MINDY2: variants seen among roughly 807,000 people sequenced by gnomAD.
The protein encoded by MINDY2 is MINDY lysine 48 deubiquitinase 2, also known as ubiquitin carboxyl-terminal hydrolase MINDY-2.
In MINDY2, 52 loss-of-function variants were observed where a neutral mutation model predicts 68.2. The ratio of observed to expected loss-of-function variants is 0.76; its 90% CI spans 0.61 to 0.96. The LOEUF (loss-of-function observed/expected upper bound fraction) is 0.96, where lower values mean the gene tolerates loss of function less well. Among genes scored for constraint, MINDY2 ranks in the 40% least tolerant of loss-of-function variants. MINDY2 has a pLI of 0.00. For synonymous variants in MINDY2, 372 were observed against 303.0 expected, an observed-to-expected ratio of 1.23 and a Z score of -2.36; for missense variants, 881 against 773.4, an observed-to-expected ratio of 1.14 and a Z score of -1.65.
In MINDY2 at chr15:58,851,928, C is replaced by T; in HGVS notation, c.1700C>T (p.Ala567Val). 1 of 1,593,746 alleles carries T rather than the reference C, an allele frequency of 6.3e-7. No homozygotes were observed. The highest frequency in any genetic ancestry group is 8.5e-7 in the Non-Finnish European group (1 of 1,175,028). Residue 567 changes from alanine to valine, a missense_variant, in exon 8 of 9, where the codon GCA becomes GTA. By Grantham distance (64) the Ala-to-Val change is moderately conservative. Transcript: ENST00000559228. ...ASQYYQEQEQ[A>V]AAAAAAASTQ... is the part of the protein sequence containing the mutation. Reference sequence around the variant, plus strand: ...CAATACTATCAGGAACAGGAACAAGCAGCAGCTGCTGCTGCTGCTGCTTCT... The same window carrying T: ...CAATACTATCAGGAACAGGAACAAGTAGCAGCTGCTGCTGCTGCTGCTTCT...
chr15:58,777,001 G>A (rs1260135931), intron 1 of MINDY2, among the ~76,000 whole-genome samples: 3 of 152,094 alleles, frequency 2.0e-5, no homozygotes, highest in African/African-American at 4.8e-5. Flanking sequence ...CATTTGACCC[G>A]GTGAATTTTG....
rs1201387554 is a variant in MINDY2, at chr15:58,856,670, A to G, written c.*2060A>G. On this transcript the variant is annotated 3_prime_UTR_variant, in exon 9 of 9. Transcript: ENST00000559228. ...GGCTCAAACAGGTTGACCTCAATCC[A>G]AGTTTACTCTTGATATCACTCTGTT... 13 of 152,314 alleles carry G rather than the reference A, an allele frequency of 8.5e-5. No homozygotes were observed. The East Asian group carries it at 2.1e-3, about 25-fold the overall frequency. 9.4% of individuals were successfully genotyped at this position (152,314 alleles called of 1,614,324 possible). A position where few individuals can be genotyped will look rare whatever the true frequency, so the allele number is the denominator to read the frequency against.
intron 4 of MINDY2, among the ~76,000 whole-genome samples, chr15:58,818,886 C>A (rs2030877925): frequency 6.6e-6 from 1 of 152,032 alleles, no homozygotes; most frequent in Non-Finnish European, 1.5e-5. Context: ...GGTGATCTGC[C>A]CACCTCAGCT....
chr15:58,806,048 C>G (rs1033742305), intron 3 of MINDY2, among the ~76,000 whole-genome samples: 1 of 152,104 alleles, frequency 6.6e-6, no homozygotes, highest in Non-Finnish European at 1.5e-5. Context: ...CACTCCAGCC[C>G]GGGCGACAGA....
Position 58,772,003 on chromosome 15 carries a change from A to C in MINDY2, c.608A>C (p.Glu203Ala). 1 of 1,587,608 alleles carries C rather than the reference A, an allele frequency of 6.3e-7. No homozygotes were observed. ...GAGGGAGCGGAGAACAGGGTCCCTGAGGAGGAGGAGGGCGCGGCGGTGTTG... is the reference window on the plus strand; with the variant it reads ...GAGGGAGCGGAGAACAGGGTCCCTGCGGAGGAGGAGGGCGCGGCGGTGTTG... Reference protein sequence around the residue: ...SEEGAENRVPEEEEGAAVLPG... With the variant: ...SEEGAENRVPAEEEGAAVLPG... The change falls in exon 1 of 9, where the codon GAG becomes GCG. Residue 203 changes from glutamate to alanine, a missense_variant. By Grantham distance (107) the Glu-to-Ala change is moderately radical. Transcript: ENST00000559228.
chr15:58,795,506 G>A (rs1335142186), intron 2 of MINDY2, among the ~76,000 whole-genome samples: 2 of 152,086 alleles, frequency 1.3e-5, no homozygotes, highest in Admixed American at 6.6e-5. Flanking sequence ...TCGGGTTCAC[G>A]CCGTTCTCCT....
At chr15:58,847,702 TATTCTA>T (rs2032605420) in intron 7 of MINDY2, among the ~76,000 whole-genome samples, 1 of 152,234 alleles carries the variant, frequency 6.6e-6, no homozygotes, top group Admixed American at 6.5e-5. Context: ...GTTTGAATTT[TATTCTA>T]ATTGCAGTAG....
intron 1 of MINDY2, among the ~76,000 whole-genome samples, chr15:58,774,813 T>A (rs373597250): frequency 6.6e-6 from 1 of 152,280 alleles, no homozygotes. Context: ...TTGGTTGAAG[T>A]GTGCAGCATA....
intron 6 of MINDY2, among the ~76,000 whole-genome samples, chr15:58,842,329 A>G (rs1567073048): frequency 6.6e-6 from 1 of 151,984 alleles, no homozygotes; most frequent in Non-Finnish European, 1.5e-5. Flanking sequence ...TTTTTACTCT[A>G]TGTTTAGGGA....
At chr15:58,835,077 T>C (rs1161168981) in intron 6 of MINDY2, among the ~76,000 whole-genome samples, 1 of 152,262 alleles carries the variant, frequency 6.6e-6, no homozygotes, top group Non-Finnish European at 1.5e-5. Flanking sequence ...CAAATATTTA[T>C]TGAGCATGTA....
At chr15:58,853,939 G>T (rs1283084903) in intron 8 of MINDY2, among the ~76,000 whole-genome samples, 1 of 151,220 alleles carries the variant, frequency 6.6e-6, no homozygotes, top group African/African-American at 2.4e-5. Context: ...TTTAACAAAT[G>T]TGTCTTCAAT....
chr15:58,818,603 C>T (rs921240948), intron 4 of MINDY2, among the ~76,000 whole-genome samples: 2 of 149,170 alleles, frequency 1.3e-5, no homozygotes, highest in South Asian at 2.1e-4. Context: ...TATTTGACAT[C>T]TTTTTTTATT....
At chr15:58,818,651 A>AT (rs202083877) in intron 4 of MINDY2, among the ~76,000 whole-genome samples, 12,671 of 131,542 alleles carry the variant, frequency 0.096, 1,102 homozygotes, top group African/African-American at 0.23. Context: ...TTGTATATTG[A>AT]TTTTTTTTTT....
intron 1 of MINDY2, among the ~76,000 whole-genome samples, chr15:58,773,351 G>T (rs1367005619): frequency 6.6e-6 from 1 of 152,214 alleles, no homozygotes; most frequent in Non-Finnish European, 1.5e-5. Context: ...AAAGGGAATA[G>T]TGTTTATCAA....
At position 58,772,094 on chromosome 15, in the gene MINDY2, C is replaced by A. The variant is rs751872040; in HGVS notation, c.699C>A (p.Ser233=). The change falls in exon 1 of 9, where the codon TCC becomes TCA. Residue 233 remains serine (S), a synonymous_variant. Transcript: ENST00000559228. ...GEETAQVLAA[S]KERFPGQSVY... is the part of the protein sequence containing the mutation. Reference sequence around the variant, plus strand: ...AGACCGCTCAGGTGCTGGCGGCCTCCAAGGAACGCTTCCCGGGACAATCTG... The same window carrying A: ...AGACCGCTCAGGTGCTGGCGGCCTCAAAGGAACGCTTCCCGGGACAATCTG... The A allele has an allele frequency of 7.4e-6, 12 of 1,613,568 alleles. No individual in the cohort carries two copies. The East Asian group carries it at 2.7e-4, about 36-fold the overall frequency.
chr15:58,844,248 C>G (rs573954755), intron 6 of MINDY2, among the ~76,000 whole-genome samples: 1 of 152,070 alleles, frequency 6.6e-6, no homozygotes, highest in African/African-American at 2.4e-5. Context: ...GAACTGTGGA[C>G]TAATAATCTC....
At chr15:58,815,523 A>AT (rs1206501613) in intron 4 of MINDY2, 1 of 151,658 alleles carries the variant, frequency 6.6e-6, no homozygotes. Context: ...CAATTTTTGT[A>AT]TTTTTTATAG....
In MINDY2 at chr15:58,791,656, GTGTGTA is replaced by G. The variant is rs1365298538; in HGVS notation, c.898+3699_898+3704del. ...TGTGTGTGTGTGTGTGTGTGTGTGTGTGTGTATGTGTGTGTGTGTAATGTGACCAAG... is the reference window on the plus strand; with the variant it reads ...TGTGTGTGTGTGTGTGTGTGTGTGTGTGTGTGTGTGTGTAATGTGACCAAG... On this transcript the variant is annotated intron_variant, in intron 2 of 8. Coordinates refer to ENST00000559228, the MANE Select transcript of MINDY2 (RefSeq NM_001040450.3). Among the ~76,000 whole-genome samples the G allele has an allele frequency of 5.4e-4, 77 of 142,078 alleles. 1 individual carries two copies. Among genetic ancestry groups the G allele is most frequent in the African/African-American group, 2.3e-3 (75 of 32,868 alleles). 93.2% of individuals were successfully genotyped at this position (142,078 alleles called of 152,430 possible). A position where few individuals can be genotyped will look rare whatever the true frequency, so the allele number is the denominator to read the frequency against.
At position 58,791,215 on chromosome 15, in the gene MINDY2, TTATATATA is replaced by T. The variant is rs57998049; in HGVS notation, c.898+3286_898+3293del. On this transcript the variant is annotated intron_variant, in intron 2 of 8. Transcript: ENST00000559228. ...AAAGGGAGCCATCAGGAAAGCAATT[TTATATATA>T]TATATATATATATATATATATATAT... 2.8e-3 allele frequency among the ~76,000 whole-genome samples: 221 copies of T among 79,590 alleles called. 3 individuals carry two copies. Among genetic ancestry groups the T allele is most frequent in the Non-Finnish European group, 3.8e-3 (121 of 31,538 alleles). 52.2% of individuals were successfully genotyped at this position (79,590 alleles called of 152,430 possible).
Sources: allele counts gnomAD v4.1 joint callset (sites outside exome capture counted in the v4.1 genomes callset), GRCh38; gene constraint gnomAD v4.1.1; transcripts MANE v1.5; gene names NCBI Gene and HGNC (gene_info 2026-07-23, HGNC 2026-07-21).